CSMD2: variants seen among roughly 807,000 people sequenced by gnomAD.
CSMD2 encodes CUB and sushi domain-containing protein 2.
A neutral mutation model predicts 398.5 loss-of-function variants in CSMD2; 130 were observed. That is an observed-to-expected ratio of 0.33 (90% CI 0.28 to 0.38). The LOEUF (loss-of-function observed/expected upper bound fraction) is 0.38, where lower values mean the gene tolerates loss of function less well. Ranked by LOEUF, CSMD2 falls within the 10% of genes least tolerant of loss-of-function variation. The probability of loss-of-function intolerance (pLI) is 1.00; values close to 1 mark genes in which losing one functional copy is unlikely to be tolerated. For missense variants in CSMD2, 3,829 were observed against 4,764.9 expected (o/e 0.80, Z 5.78); for synonymous variants, 1,828 against 1,908.5 (o/e 0.96, Z 1.10).
intron 41 of CSMD2, among the ~76,000 whole-genome samples, chr1:33,609,080 A>G (rs1240414972): frequency 2.6e-5 from 4 of 152,214 alleles, no homozygotes; most frequent in African/African-American, 7.2e-5. Context: ...CTCTGTGATG[A>G]GCCTGCACAC....
intron 5 of CSMD2, among the ~76,000 whole-genome samples, chr1:33,848,037 T>C (rs1361705522): frequency 6.6e-6 from 1 of 151,672 alleles, no homozygotes; most frequent in Non-Finnish European, 1.5e-5. Flanking sequence ...GTAAGAAGAG[T>C]CCCAGGAGTT....
intron 1 of CSMD2, among the ~76,000 whole-genome samples, chr1:34,117,978 C>T (rs572010068): frequency 7.8e-4 from 118 of 152,158 alleles, no homozygotes; most frequent in Non-Finnish European, 1.5e-3. Flanking sequence ...CTTTGGGAAG[C>T]TGAGGCAGGT....
chr1:33,584,626 C>A (rs140306775), intron 46 of CSMD2, among the ~76,000 whole-genome samples: 2 of 150,998 alleles, frequency 1.3e-5, no homozygotes, highest in Non-Finnish European at 2.9e-5. Flanking sequence ...GAGATTGCAC[C>A]ACTGCCCTCC....
intron 2 of CSMD2, among the ~76,000 whole-genome samples, chr1:34,078,439 C>T (rs1656681272): frequency 6.6e-6 from 1 of 152,122 alleles, no homozygotes; most frequent in South Asian, 2.1e-4. Flanking sequence ...ATCACAGGCA[C>T]TAGAACTCTC....
chr1:33,774,251 A>G (rs1472861352), intron 12 of CSMD2, among the ~76,000 whole-genome samples: 2 of 151,982 alleles, frequency 1.3e-5, no homozygotes, highest in African/African-American at 4.8e-5. Flanking sequence ...AAGTCAGCCC[A>G]CTTGCCTCTC....
At chr1:33,982,259 C>A (rs574618178) in intron 3 of CSMD2, among the ~76,000 whole-genome samples, 1 of 151,914 alleles carries the variant, frequency 6.6e-6, no homozygotes, top group Non-Finnish European at 1.5e-5. Flanking sequence ...AGAGGAGAAC[C>A]AGGGCGGGAG....
At chr1:34,120,686 A>G (rs1267221450) in intron 1 of CSMD2, among the ~76,000 whole-genome samples, 1 of 152,172 alleles carries the variant, frequency 6.6e-6, no homozygotes, top group Non-Finnish European at 1.5e-5. Context: ...CTGGGATTAC[A>G]GGTGCCTGCC....
At chr1:33,890,054 A>T (rs1641886598) in intron 5 of CSMD2, among the ~76,000 whole-genome samples, 2 of 17,658 alleles carry the variant, frequency 1.1e-4, no homozygotes, top group African/African-American at 1.8e-3. Context: ...TAAAAAAAAG[A>T]GAAAGAAATG....
intron 5 of CSMD2, among the ~76,000 whole-genome samples, chr1:33,882,964 ATTCAGAGTCATGTAC>A (rs1186951955): frequency 2.0e-5 from 3 of 152,144 alleles, no homozygotes; most frequent in African/African-American, 7.2e-5. Flanking sequence ...CTTGAAAGGG[ATTCAGAGTCATGTAC>A]TCCAGCCTAC....
chr1:33,902,274 C>G (rs773922588), intron 5 of CSMD2, among the ~76,000 whole-genome samples: 1 of 152,058 alleles, frequency 6.6e-6, no homozygotes, highest in African/African-American at 2.4e-5. Flanking sequence ...TCCTGGAAAC[C>G]GCCCCATCTG....
chr1:34,025,560 T>C (rs547968616), intron 3 of CSMD2, among the ~76,000 whole-genome samples: 2 of 152,102 alleles, frequency 1.3e-5, no homozygotes, highest in African/African-American at 4.8e-5. Flanking sequence ...TATGGAAGAG[T>C]TGTATTTGTG....
intron 5 of CSMD2, chr1:33,864,599 C>T (rs74067992): frequency 1.2e-6 from 2 of 1,613,974 alleles, no homozygotes; most frequent in Non-Finnish European, 1.7e-6. Flanking sequence ...CAGCGACAGA[C>T]CTGGAGAAGC....
intron 3 of CSMD2, among the ~76,000 whole-genome samples, chr1:34,004,479 T>C (rs1224776017): frequency 6.6e-6 from 1 of 152,232 alleles, no homozygotes; most frequent in Admixed American, 6.5e-5. Context: ...TTGTTTGTTT[T>C]TGTTTTTTGC....
intron 3 of CSMD2, among the ~76,000 whole-genome samples, chr1:34,006,300 C>G (rs1027354697): frequency 6.6e-6 from 1 of 152,100 alleles, no homozygotes; most frequent in African/African-American, 2.4e-5. Flanking sequence ...GGATGCTGTA[C>G]GTTGCACCTG....
rs1657342750 is a variant in CSMD2 at position 33,550,501 on chromosome 1, G to C, written c.8744-151C>G. On this transcript the variant is annotated intron_variant, in intron 55 of 70. Coordinates refer to ENST00000373381, the MANE Select transcript of CSMD2 (RefSeq NM_001281956.2). ...AAACTTCCTGCTGGCATGCCCACCT[G>C]GCGTTGGCAGACAATGTCCACTCAG... 8 of 710,828 alleles carry C rather than the reference G, an allele frequency of 1.1e-5. No individual in the cohort carries two copies. In the East Asian group the frequency reaches 2.2e-4, roughly 19 times the overall value. 44.0% of individuals were successfully genotyped at this position (710,828 alleles called of 1,614,324 possible).
intron 51 of CSMD2, among the ~76,000 whole-genome samples, chr1:33,570,798 G>C (rs1320266408): frequency 6.6e-6 from 1 of 152,166 alleles, no homozygotes; most frequent in East Asian, 1.9e-4. Context: ...CAGTGTGGCA[G>C]TATAACAGTT....
intron 3 of CSMD2, among the ~76,000 whole-genome samples, chr1:34,025,256 G>GTTTTTTTTTT (rs1262191251): frequency 7.0e-6 from 1 of 142,670 alleles, no homozygotes; most frequent in African/African-American, 2.7e-5. Context: ...GCATACCAGG[G>GTTTTTTTTTT]TTTTGTCTTT....
At chr1:33,645,595 A>G (rs150094802) in intron 29 of CSMD2, among the ~76,000 whole-genome samples, 1 of 152,330 alleles carries the variant, frequency 6.6e-6, no homozygotes, top group African/African-American at 2.4e-5. Flanking sequence ...ATAATAGCGT[A>G]GAAGACAGTG....
chr1:33,968,359 G>A (rs1382899023), intron 3 of CSMD2, among the ~76,000 whole-genome samples: 2 of 152,188 alleles, frequency 1.3e-5, no homozygotes, highest in African/African-American at 4.8e-5. Flanking sequence ...AGCATCTGGT[G>A]TTCATGGCTT....
Sources: gnomAD v4.1 joint callset for allele counts (sites outside exome capture counted in the v4.1 genomes callset) on GRCh38, gnomAD v4.1.1 for gene constraint, MANE v1.5 for transcripts, NCBI Gene and HGNC (gene_info 2026-07-23, HGNC 2026-07-21) for gene names.